ASPHD1: variants seen among roughly 807,000 people sequenced by gnomAD.
ASPHD1 encodes aspartate beta-hydroxylase domain containing 1.
In ASPHD1, 20 loss-of-function variants were observed where a neutral mutation model predicts 28.3. The ratio of observed to expected loss-of-function variants is 0.71; its 90% CI spans 0.50 to 1.03. The LOEUF (loss-of-function observed/expected upper bound fraction) is 1.03. Among genes scored for constraint, ASPHD1 ranks in the 50% least tolerant of loss-of-function variants. ASPHD1 has a pLI of 0.00. For synonymous variants in ASPHD1, 240 were observed against 221.2 expected, an observed-to-expected ratio of 1.08 and a Z score of -0.75; for missense variants, 479 against 524.1, an observed-to-expected ratio of 0.91 and a Z score of 0.84.
At chr16:29,903,112 T>C (rs1219620843) in intron 1 of ASPHD1, among the ~76,000 whole-genome samples, 2 of 150,616 alleles carry the variant, frequency 1.3e-5, no homozygotes, top group African/African-American at 4.9e-5. Context: ...TCCCAGCACT[T>C]TGGGAGGCTG....
chr16:29,903,388 G>A (rs984125739), intron 1 of ASPHD1, among the ~76,000 whole-genome samples: 1 of 151,878 alleles, frequency 6.6e-6, no homozygotes, highest in African/African-American at 2.4e-5. Context: ...TGTAAAGACA[G>A]GCTGGACCTG....
chr16:29,911,746 G>T, intron 3 of ASPHD1: 1 of 1,563,496 alleles, frequency 6.4e-7, no homozygotes, highest in Non-Finnish European at 8.8e-7. Flanking sequence ...CGTGGCCCTC[G>T]CCTTGGGCAG....
chr16:29,913,373 G>C (rs1442692285), intron 3 of ASPHD1: 1 of 152,156 alleles, frequency 6.6e-6, no homozygotes. Flanking sequence ...AAACACAACA[G>C]AGCGATCAGA....
chr16:29,907,692 G>A (rs1453723931), downstream of ASPHD1, among the ~76,000 whole-genome samples: 1 of 152,104 alleles, frequency 6.6e-6, no homozygotes, highest in African/African-American at 2.4e-5. Flanking sequence ...GGAGACTGAG[G>A]TGGGAGGATC....
downstream of ASPHD1, among the ~76,000 whole-genome samples, chr16:29,907,531 A>G (rs1237511638): frequency 6.6e-6 from 1 of 152,210 alleles, no homozygotes; most frequent in Non-Finnish European, 1.5e-5. Context: ...TCAGGCCTGT[A>G]ATCCCAGCAC....
intron 3 of ASPHD1, chr16:29,911,776 C>G: frequency 1.2e-6 from 2 of 1,608,632 alleles, no homozygotes; most frequent in Middle Eastern, 4.3e-4. Context: ...TGTGCTGCAT[C>G]CCAGGGTCCC....
intron 3 of ASPHD1, among the ~76,000 whole-genome samples, chr16:29,915,605 CAAA>C (rs200326928): frequency 6.7e-5 from 8 of 118,916 alleles, no homozygotes; most frequent in Admixed American, 8.9e-5. Flanking sequence ...TGAGCTATCT[CAAA>C]AAAAAAAAAA....
intron 2 of ASPHD1, among the ~76,000 whole-genome samples, chr16:29,905,323 G>A (rs1041275430): frequency 1.3e-5 from 2 of 152,082 alleles, no homozygotes; most frequent in Admixed American, 1.3e-4. Context: ...TTGTTTTGAT[G>A]ATTAAGAGTT....
chr16:29,909,793 G>A (rs140957542), downstream of ASPHD1, among the ~76,000 whole-genome samples: 16 of 151,758 alleles, frequency 1.1e-4, no homozygotes, highest in Admixed American at 3.3e-4. Flanking sequence ...GGCTAGGGCG[G>A]GCCCGGTGGC....
rs2068538061 is a variant in ASPHD1 at position 29,901,116 on chromosome 16, CAG to C, written c.146_147del (p.Gln49ArgfsTer92). The C allele has an allele frequency of 6.2e-7, 1 of 1,608,030 alleles. No homozygotes were observed. Among genetic ancestry groups the C allele is most frequent in the South Asian group, 1.1e-5 (1 of 90,326 alleles). Reference sequence around the variant, plus strand: ...AGGGACAGGTGGGGAGCTGGGGGGACAGGGGAACTGGGGTCCGGAGGACGCCC... The same window carrying C: ...AGGGACAGGTGGGGAGCTGGGGGGACGGGAACTGGGGTCCGGAGGACGCCC... The part of the protein sequence containing the change: ...MEGTGGELGG[Q>X]GNWGPEDAPG... On this transcript the variant is annotated frameshift_variant, in exon 1 of 3. Coordinates refer to ENST00000308748, the MANE Select transcript of ASPHD1 (RefSeq NM_181718.4). LOFTEE classifies it high-confidence loss of function. This position sits in a 1 kb window ranked among gnomAD's most constrained non-coding sequence, Gnocchi z 5.1.
chr16:29,901,965 T>TC lies in ASPHD1; in HGVS notation c.949+52dup, dbSNP rs755467710. The TC allele has an allele frequency of 5.9e-5, 82 of 1,392,650 alleles. No homozygotes were observed. The highest frequency in any genetic ancestry group is 7.3e-5 in the Non-Finnish European group (78 of 1,063,324). The allele number at this position is 1,392,650 out of a possible 1,614,324, so 86.3% of individuals were successfully genotyped here. On this transcript the variant is annotated intron_variant, in intron 1 of 2. Coordinates refer to ENST00000308748, the MANE Select transcript of ASPHD1 (RefSeq NM_181718.4). This position sits in a 1 kb window ranked among gnomAD's most constrained non-coding sequence, Gnocchi z 5.1. ...TGACAACCTCCTTGCCTCGATGATTTCCCCCCCAGACCCTTCTCTCCGCCA... is the reference window on the plus strand; with the variant it reads ...TGACAACCTCCTTGCCTCGATGATTTCCCCCCCCAGACCCTTCTCTCCGCCA...
At chr16:29,900,385 G>C (rs2068522042), upstream of ASPHD1, 1 of 154,604 alleles carries the variant, frequency 6.5e-6, no homozygotes, top group African/African-American at 2.4e-5. Flanking sequence ...ATTGCGGGAC[G>C]GCTGGAGGCT....
chr16:29,918,879 T>C lies in ASPHD1; in HGVS notation c.*63-652T>C, dbSNP rs185947178. Among the ~76,000 whole-genome samples the C allele has an allele frequency of 2.3e-3, 349 of 152,108 alleles. 1 individual carries two copies. The highest frequency in any genetic ancestry group is 8.1e-3 in the African/African-American group (337 of 41,490). ...TTCACCATGTTGGCCAGGCTGGTCTTGAACTCCTGACCTTGTGATCCACCT... is the reference window on the plus strand; with the variant it reads ...TTCACCATGTTGGCCAGGCTGGTCTCGAACTCCTGACCTTGTGATCCACCT... On this transcript the variant is annotated intron_variant and NMD_transcript_variant, in intron 3 of 3. Transcript: ENST00000414952.
At chr16:29,912,720 G>A (rs954276162) in intron 3 of ASPHD1, among the ~76,000 whole-genome samples, 4 of 152,220 alleles carry the variant, frequency 2.6e-5, no homozygotes, top group African/African-American at 9.6e-5. Context: ...GATTACAGGC[G>A]TGAGCCACTG....
chr16:29,908,392 T>C (rs2068649841), downstream of ASPHD1, among the ~76,000 whole-genome samples: 1 of 152,246 alleles, frequency 6.6e-6, no homozygotes, highest in African/African-American at 2.4e-5. Context: ...TTTTATTTTT[T>C]ATTTTTTCCT....
At chr16:29,912,036 G>A (rs752072569) in intron 3 of ASPHD1, 33 of 1,607,046 alleles carry the variant, frequency 2.1e-5, no homozygotes, top group South Asian at 3.3e-5. Flanking sequence ...CGGGGACAGC[G>A]TCTCCCTTTT....
chr16:29,901,974 G>T lies in ASPHD1; in HGVS notation c.949+54G>T, dbSNP rs909724922. On this transcript the variant is annotated intron_variant, in intron 1 of 2. Transcript: ENST00000308748. This position sits in a 1 kb window ranked among gnomAD's most constrained non-coding sequence, Gnocchi z 5.1. ...CCTTGCCTCGATGATTTCCCCCCCA[G>T]ACCCTTCTCTCCGCCAGAGCCGTCT... 7 of 1,353,958 alleles carry T rather than the reference G, an allele frequency of 5.2e-6. No individual in the cohort carries two copies. Among genetic ancestry groups the T allele is most frequent in the South Asian group, 1.7e-5 (1 of 59,692 alleles). The allele number at this position is 1,353,958 out of a possible 1,614,324, so 83.9% of individuals were successfully genotyped here. A position where few individuals can be genotyped will look rare whatever the true frequency, so the allele number is the denominator to read the frequency against.
chr16:29,903,746 C>T lies in ASPHD1; in HGVS notation c.950-1106C>T, dbSNP rs114039018. The stretch of plus-strand genomic sequence containing the variant: ...CCTAGAATCCCCTTCCCCCGTACCA[C>T]CTCCTGAAAAACTCCTACTCAGCCT... On this transcript the variant is annotated intron_variant, in intron 1 of 2. Coordinates refer to ENST00000308748, the MANE Select transcript of ASPHD1 (RefSeq NM_181718.4). Among the ~76,000 whole-genome samples, 470 of 152,216 alleles carry T rather than the reference C, an allele frequency of 3.1e-3. 4 individuals are homozygous for T. Among genetic ancestry groups the T allele is most frequent in the African/African-American group, 0.011 (460 of 41,520 alleles).
At chr16:29,912,085 C>T (rs1398062439) in intron 3 of ASPHD1, 3 of 1,429,668 alleles carry the variant, frequency 2.1e-6, no homozygotes, top group African/African-American at 2.8e-5. Flanking sequence ...ACAGCACAAC[C>T]AAAGGCCACG....
Sources: gnomAD v4.1 joint callset for allele counts (sites outside exome capture counted in the v4.1 genomes callset) on GRCh38, gnomAD v4.1.1 for gene constraint, Gnocchi (gnomAD v3.1) non-coding constraint, MANE v1.5 for transcripts, NCBI Gene and HGNC (gene_info 2026-07-23, HGNC 2026-07-21) for gene names.